Variants in KCNB2 observed in about 807,000 individuals in gnomAD.
KCNB2 encodes delayed rectifier potassium channel protein.
Under a neutral mutation model 61.5 loss-of-function variants are expected in KCNB2, and 15 were observed. The observed-to-expected ratio is 0.24, with a 90% confidence interval of 0.16 to 0.38. The LOEUF is 0.38. KCNB2 is among the 10% of genes least tolerant of loss of function. The pLI, the probability that KCNB2 is intolerant of heterozygous loss-of-function variation, is 1.00. For synonymous variants in KCNB2, 457 were observed against 446.0 expected, an observed-to-expected ratio of 1.02 and a Z score of -0.31; for missense variants, 828 against 1,125.2, an observed-to-expected ratio of 0.74 and a Z score of 3.78.
chr8:72,627,226 C>CA (rs1458535133), intron 2 of KCNB2, among the ~76,000 whole-genome samples: 1 of 152,124 alleles, frequency 6.6e-6, no homozygotes, highest in Non-Finnish European at 1.5e-5. Flanking sequence ...GAAGAGGATG[C>CA]AAAAACTTGA....
intron 2 of KCNB2, among the ~76,000 whole-genome samples, chr8:72,923,896 T>C (rs1030106748): frequency 2.6e-5 from 4 of 152,228 alleles, no homozygotes; most frequent in Non-Finnish European, 5.9e-5. Flanking sequence ...AATTGGCATT[T>C]ATACTGAAAT....
intron 2 of KCNB2, among the ~76,000 whole-genome samples, chr8:72,794,738 A>G (rs1206518849): frequency 6.6e-6 from 1 of 152,210 alleles, no homozygotes; most frequent in Non-Finnish European, 1.5e-5. Flanking sequence ...AATTGAATAG[A>G]TAATTATGGA....
At chr8:72,623,897 C>A (rs1440638987) in intron 2 of KCNB2, among the ~76,000 whole-genome samples, 1 of 152,176 alleles carries the variant, frequency 6.6e-6, no homozygotes, top group Non-Finnish European at 1.5e-5. Context: ...GTACAAATGT[C>A]CTTTCTGGCT....
intron 2 of KCNB2, among the ~76,000 whole-genome samples, chr8:72,590,989 G>A (rs539535386): frequency 2.0e-5 from 3 of 152,284 alleles, no homozygotes; most frequent in African/African-American, 7.2e-5. Flanking sequence ...TGAAGTAAAG[G>A]AAGAGGAAAT....
At chr8:72,599,356 C>T (rs553862319) in intron 2 of KCNB2, among the ~76,000 whole-genome samples, 2 of 152,256 alleles carry the variant, frequency 1.3e-5, no homozygotes, top group East Asian at 1.9e-4. Flanking sequence ...GGAAAGGATT[C>T]CCTGTTTAAT....
chr8:72,622,324 TAC>T (rs1212173774), intron 2 of KCNB2, among the ~76,000 whole-genome samples: 1 of 152,340 alleles, frequency 6.6e-6, no homozygotes, highest in South Asian at 2.1e-4. Flanking sequence ...CAATAACATC[TAC>T]ACAGTCTTTC....
At chr8:72,691,603 A>T (rs542698794) in intron 2 of KCNB2, among the ~76,000 whole-genome samples, 227 of 152,352 alleles carry the variant, frequency 1.5e-3, no homozygotes, top group African/African-American at 4.8e-3. Flanking sequence ...TAAAAATTTG[A>T]TATCCTCAAA....
At chr8:72,646,359 C>A (rs1441631771) in intron 2 of KCNB2, among the ~76,000 whole-genome samples, 1 of 151,834 alleles carries the variant, frequency 6.6e-6, no homozygotes, top group African/African-American at 2.4e-5. Context: ...TTCTAAAGTT[C>A]TTATATCTTG....
chr8:72,797,172 G>T (rs16938379), intron 2 of KCNB2, among the ~76,000 whole-genome samples: 3,383 of 152,268 alleles, frequency 0.022, 70 homozygotes, highest in African/African-American at 0.054. Context: ...GATGACATTT[G>T]TAATCTCTAA....
chr8:72,724,030 G>A (rs1171714133), intron 2 of KCNB2, among the ~76,000 whole-genome samples: 2 of 152,212 alleles, frequency 1.3e-5, no homozygotes, highest in African/African-American at 2.4e-5. Flanking sequence ...TGCCTGGGAA[G>A]TGGCACTGCT....
At chr8:72,914,562 T>G (rs934192870) in intron 2 of KCNB2, among the ~76,000 whole-genome samples, 2 of 152,158 alleles carry the variant, frequency 1.3e-5, no homozygotes, top group Admixed American at 6.5e-5. Flanking sequence ...AATTTGGAGT[T>G]AAAGTAAGAC....
chr8:72,785,589 A>G (rs767951615), intron 2 of KCNB2, among the ~76,000 whole-genome samples: 1 of 152,138 alleles, frequency 6.6e-6, no homozygotes, highest in African/African-American at 2.4e-5. Flanking sequence ...CCTAAGAGAG[A>G]TGATACCATT....
chr8:72,728,364 A>T (rs1477496982), intron 2 of KCNB2, among the ~76,000 whole-genome samples: 1 of 152,220 alleles, frequency 6.6e-6, no homozygotes, highest in East Asian at 1.9e-4. Context: ...CATACACGGC[A>T]TTCCATCCTA....
At chr8:72,740,890 G>T (rs1049117016) in intron 2 of KCNB2, among the ~76,000 whole-genome samples, 2 of 152,204 alleles carry the variant, frequency 1.3e-5, no homozygotes, top group Admixed American at 1.3e-4. Context: ...TTGTTCCATG[G>T]TTTACATCCT....
Position 72,937,737 on chromosome 8 carries a change from C to G in KCNB2, c.2382C>G (p.Phe794Leu), listed in dbSNP as rs1379329189. Residue 794 changes from phenylalanine (F) to leucine (L), a missense_variant, in exon 3 of 3, where the codon TTC becomes TTG. Phe to Leu is a conservative substitution (Grantham distance 22, BLOSUM62 0). Transcript: ENST00000523207. ...LSPRFPKQKL[F>L]PFSSRERRSF... ...CCAGGTTTCCCAAGCAGAAACTGTT[C>G]CCTTTCTCTTCAAGAGAGAGGAGGA... is the stretch of plus-strand genomic sequence containing the variant. The G allele has an allele frequency of 6.2e-7, 1 of 1,613,934 alleles. No individual in the cohort carries two copies.
intron 2 of KCNB2, among the ~76,000 whole-genome samples, chr8:72,737,544 T>C (rs1003502828): frequency 6.6e-6 from 1 of 152,208 alleles, no homozygotes; most frequent in Admixed American, 6.5e-5. Flanking sequence ...CATAGCCAGA[T>C]TCAATGTTTA....
chr8:72,795,087 G>A (rs1809010287), intron 2 of KCNB2, among the ~76,000 whole-genome samples: 1 of 152,240 alleles, frequency 6.6e-6, no homozygotes, highest in Admixed American at 6.5e-5. Context: ...AAATGGTAAA[G>A]ATGTGTGTGT....
intron 2 of KCNB2, among the ~76,000 whole-genome samples, chr8:72,603,917 A>G (rs1805405060): frequency 1.3e-5 from 2 of 152,230 alleles, no homozygotes; most frequent in South Asian, 2.1e-4. Context: ...AATGCCAAGT[A>G]TTGTGGTGAT....
chr8:72,722,507 C>G (rs1015539331), intron 2 of KCNB2, among the ~76,000 whole-genome samples: 1 of 152,200 alleles, frequency 6.6e-6, no homozygotes, highest in Non-Finnish European at 1.5e-5. Context: ...TCAGACTGCT[C>G]TTACCACTCT....
Sources: gnomAD v4.1 joint callset for allele counts (sites outside exome capture counted in the v4.1 genomes callset) on GRCh38, gnomAD v4.1.1 for gene constraint, MANE v1.5 for transcripts, NCBI Gene and HGNC (gene_info 2026-07-23, HGNC 2026-07-21) for gene names.